FILIP1: variants seen among roughly 807,000 people sequenced by gnomAD.
FILIP1 encodes filamin-A-interacting protein 1.
FILIP1 carries 61 observed loss-of-function variants against 102.1 expected under a neutral mutation model. The observed-to-expected ratio is 0.60, with a 90% CI of 0.49 to 0.74. The LOEUF (loss-of-function observed/expected upper bound fraction) is 0.74, where lower values mean the gene tolerates loss of function less well. FILIP1 is among the 30% of genes least tolerant of loss of function. The pLI is 0.00. For missense variants in FILIP1, 1,314 were observed against 1,441.2 expected (o/e 0.91, Z 1.43); for synonymous variants, 491 against 526.9 (o/e 0.93, Z 0.93).
intron 4 of FILIP1, among the ~76,000 whole-genome samples, chr6:75,324,329 T>A: frequency 1.3e-5 from 1 of 79,316 alleles, no homozygotes; most frequent in African/African-American, 4.8e-5. Context: ...ATAAAGCACT[T>A]AGAAATATAC....
intron 6 of FILIP1, among the ~76,000 whole-genome samples, chr6:75,300,849 T>A (rs538099973): frequency 6.6e-6 from 1 of 152,300 alleles, no homozygotes; most frequent in Admixed American, 6.5e-5. Flanking sequence ...TCAGCCCAAA[T>A]TATCTCCTTA....
intron 2 of FILIP1, among the ~76,000 whole-genome samples, chr6:75,411,334 T>C (rs1246371802): frequency 6.6e-6 from 1 of 152,234 alleles, no homozygotes; most frequent in African/African-American, 2.4e-5. Context: ...GTGAGATGGA[T>C]AGATTGCAAA....
exon 7 of FILIP1, chr6:75,292,252 A>T (rs1203852102): frequency 1.3e-5 from 2 of 152,246 alleles, no homozygotes; most frequent in Non-Finnish European, 2.9e-5. Flanking sequence ...TAAGCCTCTT[A>T]TTTGTAAAAG....
At chr6:75,400,712 G>A (rs1384660068) in intron 2 of FILIP1, among the ~76,000 whole-genome samples, 12 of 152,110 alleles carry the variant, frequency 7.9e-5, no homozygotes, top group Admixed American at 7.9e-4. Flanking sequence ...AAGGCCATGG[G>A]AGATTCAGGG....
intron 4 of FILIP1, among the ~76,000 whole-genome samples, chr6:75,349,861 G>C (rs1280004754): frequency 6.6e-6 from 1 of 152,184 alleles, no homozygotes; most frequent in Non-Finnish European, 1.5e-5. Context: ...AGAAAGCCTC[G>C]GGGTCAGCCT....
intron 2 of FILIP1, among the ~76,000 whole-genome samples, chr6:75,411,676 C>T (rs554411089): frequency 4.8e-4 from 73 of 152,196 alleles, no homozygotes; most frequent in African/African-American, 1.7e-3. Flanking sequence ...AAAGGAAATC[C>T]TTTCCCCATT....
At chr6:75,448,813 A>G (rs550493886) in intron 1 of FILIP1, among the ~76,000 whole-genome samples, 54 of 152,166 alleles carry the variant, frequency 3.5e-4, no homozygotes, top group Non-Finnish European at 7.6e-4. Flanking sequence ...CTCTAGCAAG[A>G]ATGACCATAA....
chr6:75,413,336 T>G (rs1342079268), intron 2 of FILIP1, among the ~76,000 whole-genome samples: 1 of 152,168 alleles, frequency 6.6e-6, no homozygotes, highest in African/African-American at 2.4e-5. Context: ...ACAACCAATG[T>G]TAATAGACAA....
chr6:75,447,510 A>G (rs1250362588), intron 1 of FILIP1, among the ~76,000 whole-genome samples: 1 of 152,180 alleles, frequency 6.6e-6, no homozygotes. Context: ...CTCTTCATCC[A>G]TGGATTTGTA....
intron 1 of FILIP1, among the ~76,000 whole-genome samples, chr6:75,452,236 C>T (rs565704411): frequency 6.6e-6 from 1 of 151,980 alleles, no homozygotes; most frequent in Admixed American, 6.6e-5. Flanking sequence ...TTAGGTATAT[C>T]TCCTAATGCT....
chr6:75,448,956 T>G (rs1778527617), intron 1 of FILIP1, among the ~76,000 whole-genome samples: 1 of 152,286 alleles, frequency 6.6e-6, no homozygotes, highest in African/African-American at 2.4e-5. Context: ...ACCACTTGAT[T>G]CAGTAATTCC....
intron 4 of FILIP1, among the ~76,000 whole-genome samples, chr6:75,325,219 C>T (rs1773799831): frequency 6.6e-6 from 1 of 152,104 alleles, no homozygotes; most frequent in Non-Finnish European, 1.5e-5. Flanking sequence ...GTCAGGAGTT[C>T]GAGACCAGCC....
chr6:75,393,614 C>A (rs569901289), intron 2 of FILIP1, among the ~76,000 whole-genome samples: 11 of 152,116 alleles, frequency 7.2e-5, no homozygotes, highest in Admixed American at 3.9e-4. Flanking sequence ...ACTAGAAAAC[C>A]CAGAAGTAGA....
intron 4 of FILIP1, among the ~76,000 whole-genome samples, chr6:75,327,074 G>A (rs1329197905): frequency 6.6e-6 from 1 of 152,094 alleles, no homozygotes; most frequent in Non-Finnish European, 1.5e-5. Flanking sequence ...CCACTGAGCT[G>A]TTCATTCTTT....
At chr6:75,330,507 C>T (rs1774041841) in intron 4 of FILIP1, among the ~76,000 whole-genome samples, 1 of 151,832 alleles carries the variant, frequency 6.6e-6, no homozygotes, top group African/African-American at 2.4e-5. Context: ...TAGTCCCACT[C>T]TAAAAAAGAA....
At chr6:75,363,304 CA>C (rs1241451526) in intron 2 of FILIP1, among the ~76,000 whole-genome samples, 1 of 152,182 alleles carries the variant, frequency 6.6e-6, no homozygotes, top group Non-Finnish European at 1.5e-5. Context: ...TTGATGTTCT[CA>C]ATGTAGTATT....
At chr6:75,354,892 G>A (rs1774938363) in intron 3 of FILIP1, among the ~76,000 whole-genome samples, 2 of 152,168 alleles carry the variant, frequency 1.3e-5, no homozygotes, top group South Asian at 4.1e-4. Flanking sequence ...GCATTTCTAG[G>A]AAAAGTATAT....
chr6:75,492,223 A>G (rs566556214), intron 1 of FILIP1, among the ~76,000 whole-genome samples: 1 of 152,198 alleles, frequency 6.6e-6, no homozygotes, highest in African/African-American at 2.4e-5. Context: ...TTTCCTGAGC[A>G]TATGCTATAT....
At chr6:75,294,713 G>A (rs1772625433) in exon 7 of FILIP1, 1 of 151,826 alleles carries the variant, frequency 6.6e-6, no homozygotes, top group South Asian at 2.1e-4. Context: ...TTTGTTTTGA[G>A]ACAGAGTCTC....
Sources: allele counts gnomAD v4.1 joint callset (sites outside exome capture counted in the v4.1 genomes callset), GRCh38; gene constraint gnomAD v4.1.1; transcripts MANE v1.5; gene names NCBI Gene and HGNC (gene_info 2026-07-23, HGNC 2026-07-21).